The following CSMD3 variants were observed in gnomAD, a reference collection of about 807,000 sequenced individuals.
CSMD3 encodes CUB and sushi domain-containing protein 3.
In CSMD3, 177 loss-of-function variants were observed where a neutral mutation model predicts 435.2. That is an observed-to-expected ratio of 0.41 (90% confidence interval 0.36 to 0.46). The LOEUF is 0.46. Among genes scored for constraint, CSMD3 ranks in the 20% least tolerant of loss-of-function variants. CSMD3 has a pLI of 0.34. For synonymous variants in CSMD3, 1,656 were observed against 1,520.5 expected (o/e 1.09, Z -2.07); for missense variants, 4,265 against 4,504.6 (o/e 0.95, Z 1.52).
chr8:113,020,365 C>G (rs977682338), intron 5 of CSMD3, among the ~76,000 whole-genome samples: 13 of 152,106 alleles, frequency 8.5e-5, no homozygotes, highest in African/African-American at 3.1e-4. Context: ...TGGAACTATG[C>G]TCCAGATATT....
intron 31 of CSMD3, among the ~76,000 whole-genome samples, chr8:112,476,532 G>A (rs1393002915): frequency 3.3e-5 from 5 of 152,054 alleles, no homozygotes; most frequent in African/African-American, 4.8e-5. Context: ...ATATCTCACA[G>A]GACCTGCCTC....
chr8:112,405,115 G>A (rs1489325821), intron 35 of CSMD3, among the ~76,000 whole-genome samples: 2 of 142,538 alleles, frequency 1.4e-5, no homozygotes, highest in Admixed American at 7.2e-5. Flanking sequence ...CCTGGGAGGC[G>A]GAAGTTGCAA....
At chr8:113,415,937 T>C (rs1040691398) in intron 1 of CSMD3, among the ~76,000 whole-genome samples, 1 of 152,154 alleles carries the variant, frequency 6.6e-6, no homozygotes, top group African/African-American at 2.4e-5. Flanking sequence ...CATTAACTGC[T>C]ATATGCTATA....
chr8:113,162,571 C>CAAAAA (rs753811903), intron 4 of CSMD3, among the ~76,000 whole-genome samples: 1 of 59,794 alleles, frequency 1.7e-5, no homozygotes, highest in Non-Finnish European at 3.3e-5. Flanking sequence ...GTCCCCACAT[C>CAAAAA]AAAAAAAAAA....
At position 113,426,722 on chromosome 8, in the gene CSMD3, A is replaced by C. The variant is rs530227954; in HGVS notation, c.178+9955T>G. Among the ~76,000 whole-genome samples, 16 of 151,616 alleles carry C rather than the reference A, an allele frequency of 1.1e-4. No individual in the cohort carries two copies. The South Asian group carries it at 2.7e-3, about 25-fold the overall frequency. On this transcript the variant is annotated intron_variant, in intron 1 of 70. Transcript: ENST00000297405. ...AAATGTCAAGTGAATTTGTGATTTT[A>C]AATCTCAATAAAATCAAATAAATAC...
intron 3 of CSMD3, among the ~76,000 whole-genome samples, chr8:113,213,512 T>G (rs917138662): frequency 7.4e-6 from 1 of 135,430 alleles, no homozygotes; most frequent in African/African-American, 3.1e-5. Context: ...CTTTTGTGTG[T>G]TTTTTTTTTA....
At chr8:113,416,503 C>A (rs2094582149) in intron 1 of CSMD3, among the ~76,000 whole-genome samples, 1 of 152,028 alleles carries the variant, frequency 6.6e-6, no homozygotes, top group African/African-American at 2.4e-5. Context: ...ATTACAATTC[C>A]ATTTATATAA....
At chr8:112,483,325 T>C (rs1425328236) in intron 31 of CSMD3, among the ~76,000 whole-genome samples, 1 of 152,016 alleles carries the variant, frequency 6.6e-6, no homozygotes, top group East Asian at 1.9e-4. Context: ...ATTCCATCTC[T>C]ACTAAAAATA....
chr8:113,184,499 A>C (rs1294298930), intron 3 of CSMD3, among the ~76,000 whole-genome samples: 4 of 151,992 alleles, frequency 2.6e-5, no homozygotes, highest in Non-Finnish European at 4.4e-5. Context: ...TGGAGTTTCT[A>C]AGGATTTTAG....
In CSMD3 at chr8:112,860,196, T is replaced by C. The variant is rs2080786215; in HGVS notation, c.1634-930A>G. Among the ~76,000 whole-genome samples the C allele has an allele frequency of 4.0e-5, 6 of 151,898 alleles. No individual in the cohort carries two copies. The South Asian group carries it at 1.2e-3, about 31-fold the overall frequency. The stretch of plus-strand genomic sequence containing the variant: ...GTCTTCTGATTCAAGTCTTGTTTTT[T>C]ACATCACTAAAAGTGTGTCTTTCTT... On this transcript the variant is annotated intron_variant, in intron 10 of 70. Coordinates refer to ENST00000297405, the MANE Select transcript of CSMD3 (RefSeq NM_198123.2).
At chr8:113,099,205 T>A (rs2090260084) in intron 4 of CSMD3, among the ~76,000 whole-genome samples, 1 of 151,308 alleles carries the variant, frequency 6.6e-6, no homozygotes, top group Non-Finnish European at 1.5e-5. Flanking sequence ...GCAATAAAAG[T>A]AAGCAAAAAA....
chr8:112,226,921 A>G (rs1471338937), intron 70 of CSMD3, among the ~76,000 whole-genome samples: 2 of 152,184 alleles, frequency 1.3e-5, no homozygotes, highest in East Asian at 3.9e-4. Flanking sequence ...CTGGAAAATA[A>G]CAAGTGTTGG....
At chr8:113,143,284 C>T (rs1271457591) in intron 4 of CSMD3, among the ~76,000 whole-genome samples, 2 of 151,182 alleles carry the variant, frequency 1.3e-5, no homozygotes, top group African/African-American at 4.8e-5. Context: ...ACTATATATC[C>T]ACCAGAATGG....
intron 23 of CSMD3, among the ~76,000 whole-genome samples, chr8:112,583,812 A>G (rs879226165): frequency 2.0e-5 from 3 of 152,028 alleles, no homozygotes; most frequent in Admixed American, 2.0e-4. Context: ...ATACATTCCT[A>G]AATGATCATT....
intron 59 of CSMD3, among the ~76,000 whole-genome samples, chr8:112,274,475 T>A (rs1817840347): frequency 1.3e-5 from 2 of 150,600 alleles, no homozygotes; most frequent in Non-Finnish European, 3.0e-5. Flanking sequence ...GGTACCAGAG[T>A]CGACATTGAC....
At chr8:113,264,518 G>A (rs1377455133) in intron 3 of CSMD3, among the ~76,000 whole-genome samples, 2 of 151,214 alleles carry the variant, frequency 1.3e-5, no homozygotes, top group Non-Finnish European at 3.0e-5. Context: ...TTTTTCACAT[G>A]AAGCACAAAG....
intron 22 of CSMD3, among the ~76,000 whole-genome samples, chr8:112,633,916 C>T (rs1423408769): frequency 1.3e-5 from 2 of 151,890 alleles, no homozygotes; most frequent in Non-Finnish European, 2.9e-5. Flanking sequence ...GGAGTGTATC[C>T]ATCATTTGTA....
At chr8:112,865,036 CTAACATCGA>C (rs1464022059) in intron 10 of CSMD3, among the ~76,000 whole-genome samples, 1 of 152,142 alleles carries the variant, frequency 6.6e-6, no homozygotes. Flanking sequence ...CAAAATACTG[CTAACATCGA>C]TAGAAGTACA....
At chr8:112,864,629 T>C (rs1587511215) in intron 10 of CSMD3, among the ~76,000 whole-genome samples, 1 of 152,106 alleles carries the variant, frequency 6.6e-6, no homozygotes, top group Non-Finnish European at 1.5e-5. Flanking sequence ...AGGAATTATA[T>C]ATAATTTTAA....
Sources: gnomAD v4.1 joint callset for allele counts (sites outside exome capture counted in the v4.1 genomes callset) on GRCh38, gnomAD v4.1.1 for gene constraint, MANE v1.5 for transcripts, NCBI Gene and HGNC (gene_info 2026-07-23, HGNC 2026-07-21) for gene names.